Variants in RPS6KA5 observed in about 807,000 individuals in gnomAD.
RPS6KA5 encodes ribosomal protein S6 kinase alpha-5.
A neutral mutation model predicts 85.5 loss-of-function variants in RPS6KA5; 27 were observed. The observed-to-expected ratio is 0.32, with a 90% CI of 0.23 to 0.44. The LOEUF is 0.44. Among genes scored for constraint, RPS6KA5 ranks in the 20% least tolerant of loss-of-function variants. The pLI, the probability that RPS6KA5 is intolerant of heterozygous loss-of-function variation, is 1.00. For synonymous variants in RPS6KA5, 334 were observed against 348.2 expected (o/e 0.96, Z 0.46); for missense variants, 811 against 980.9 (o/e 0.83, Z 2.31).
chr14:90,955,786 C>T (rs765721471), intron 3 of RPS6KA5, among the ~76,000 whole-genome samples: 2 of 152,110 alleles, frequency 1.3e-5, no homozygotes, highest in Non-Finnish European at 2.9e-5. Context: ...TGTTTCCTTG[C>T]TGAATCTTTT....
chr14:90,915,714 G>A (rs1442675902), intron 7 of RPS6KA5, among the ~76,000 whole-genome samples: 1 of 151,912 alleles, frequency 6.6e-6, no homozygotes, highest in Non-Finnish European at 1.5e-5. Flanking sequence ...GATGAGGCAG[G>A]AAAATCACTT....
Position 91,056,359 on chromosome 14 carries a change from G to A in RPS6KA5, c.103+3973C>T, listed in dbSNP as rs150384851. On this transcript the variant is annotated intron_variant, in intron 1 of 16. Transcript: ENST00000614987. ...GGCTTTAGGTGAATGATCCAAAAGT[G>A]GATACCTCACCAAAGGCAGGCCAAA... 1.5e-3 allele frequency among the ~76,000 whole-genome samples: 235 copies of A among 152,254 alleles called. 2 individuals carry two copies. The highest frequency in any genetic ancestry group is 5.2e-3 in the African/African-American group (218 of 41,538).
At chr14:91,044,313 GAGAGAA>G (rs1220533757) in intron 1 of RPS6KA5, among the ~76,000 whole-genome samples, 3 of 127,380 alleles carry the variant, frequency 2.4e-5, no homozygotes, top group African/African-American at 8.4e-5. Context: ...GAAAGAGAGA[GAGAGAA>G]AGAGAGAGAG....
chr14:91,053,227 T>C (rs866924815), intron 1 of RPS6KA5, among the ~76,000 whole-genome samples: 4 of 152,152 alleles, frequency 2.6e-5, no homozygotes, highest in Non-Finnish European at 5.9e-5. Context: ...ATAAAATACA[T>C]CTATGAAAAA....
At chr14:91,030,025 A>G (rs920359669) in intron 1 of RPS6KA5, among the ~76,000 whole-genome samples, 4 of 152,222 alleles carry the variant, frequency 2.6e-5, no homozygotes, top group Non-Finnish European at 5.9e-5. Flanking sequence ...GCAGAATGGG[A>G]AAAGGTCAAG....
chr14:91,036,230 C>T (rs1394010834), intron 1 of RPS6KA5, among the ~76,000 whole-genome samples: 1 of 152,200 alleles, frequency 6.6e-6, no homozygotes, highest in Non-Finnish European at 1.5e-5. Flanking sequence ...TAAGAAGCTC[C>T]AGACCACTGA....
chr14:90,920,141 A>G, intron 7 of RPS6KA5, 65 bp downstream of exon 7: 2 of 1,024,590 alleles, frequency 2.0e-6, no homozygotes, highest in South Asian at 2.5e-5. Flanking sequence ...CATCAGCCTA[A>G]CCGCAGAAAT....
In RPS6KA5 at chr14:90,891,209, A is replaced by G. The variant is rs139081640; in HGVS notation, c.1645-531T>C. Among the ~76,000 whole-genome samples, 222 of 151,558 alleles carry G rather than the reference A, an allele frequency of 1.5e-3. 2 individuals carry two copies. Among genetic ancestry groups the G allele is most frequent in the Non-Finnish European group, 3.1e-4 (21 of 67,954 alleles). ...CTACCCCAGGGCCTGGCACAGACAT[A>G]GAGTAGGTGCTTTGGTAAACATGTG... On this transcript the variant is annotated intron_variant, in intron 13 of 16. Coordinates refer to ENST00000614987, the MANE Select transcript of RPS6KA5 (RefSeq NM_004755.4).
chr14:90,885,572 A>T (rs2034146389), intron 14 of RPS6KA5, among the ~76,000 whole-genome samples: 5 of 68,366 alleles, frequency 7.3e-5, no homozygotes, highest in African/African-American at 1.4e-4. Context: ...AAAAAAAAAA[A>T]AAAAAAAAAA....
rs78586752 is a variant in RPS6KA5, at chr14:90,949,830, C to A, written c.395-2280G>T. On this transcript the variant is annotated intron_variant, in intron 3 of 16. Transcript: ENST00000614987. ...TTATTTTCCATTTACTGGGAGATTG[C>A]GAAAAAGTAACTATAAATCTAAGGA... Among the ~76,000 whole-genome samples the A allele has an allele frequency of 1.3e-5, 2 of 152,080 alleles. 1 individual carries two copies. The highest frequency in any genetic ancestry group is 1.3e-4 in the Admixed American group (2 of 15,272).
chr14:90,993,033 T>C (rs1198883816), intron 2 of RPS6KA5, among the ~76,000 whole-genome samples: 1 of 152,238 alleles, frequency 6.6e-6, no homozygotes, highest in Non-Finnish European at 1.5e-5. Flanking sequence ...TGTTCAGTAA[T>C]TCTTTTTGCA....
rs2032310471 is a variant in RPS6KA5, at chr14:90,856,825, T to C, written c.*15249A>G. On this transcript the variant is annotated 3_prime_UTR_variant, in exon 17 of 17. Coordinates refer to ENST00000614987, the MANE Select transcript of RPS6KA5 (RefSeq NM_004755.4). ...CCTGTATACATTGTCACTCCCTATT[T>C]CCCCCTCCCACCAGCCCCTGAAAAA... The C allele has an allele frequency of 1.2e-5, 2 of 161,732 alleles. No homozygotes were observed. Among genetic ancestry groups the C allele is most frequent in the Non-Finnish European group, 2.7e-5 (2 of 75,260 alleles). The allele number at this position is 161,732 out of a possible 1,614,324, so 10.0% of individuals were successfully genotyped here. A position where few individuals can be genotyped will look rare whatever the true frequency, so the allele number is the denominator to read the frequency against.
intron 2 of RPS6KA5, among the ~76,000 whole-genome samples, chr14:90,992,271 T>G (rs1371155915): frequency 6.6e-6 from 1 of 152,224 alleles, no homozygotes; most frequent in African/African-American, 2.4e-5. Flanking sequence ...TTATCCCATC[T>G]TCTCATAAGA....
chr14:90,927,291 A>G (rs2036726387), intron 5 of RPS6KA5, among the ~76,000 whole-genome samples: 4 of 152,178 alleles, frequency 2.6e-5, no homozygotes, highest in Admixed American at 2.6e-4. Context: ...TCATTTAAAT[A>G]GAAGACAGGA....
At chr14:90,953,750 G>A (rs2038351028) in intron 3 of RPS6KA5, among the ~76,000 whole-genome samples, 1 of 152,088 alleles carries the variant, frequency 6.6e-6, no homozygotes, top group Admixed American at 6.5e-5. Context: ...AATACGCCCT[G>A]GTCTCCTGCA....
intron 7 of RPS6KA5, among the ~76,000 whole-genome samples, chr14:90,919,530 A>C (rs1181993550): frequency 6.6e-6 from 1 of 152,176 alleles, no homozygotes; most frequent in South Asian, 2.1e-4. Flanking sequence ...AATTAGTATA[A>C]TGTTGGTCAC....
chr14:90,881,762 A>G (rs1255452386), intron 14 of RPS6KA5, among the ~76,000 whole-genome samples: 1 of 152,088 alleles, frequency 6.6e-6, no homozygotes, highest in East Asian at 1.9e-4. Context: ...CGGCCTCCCA[A>G]AGTGCTGGGA....
Position 90,906,236 on chromosome 14 carries a change from A to C in RPS6KA5, c.870T>G (p.Ile290Met). The change falls in exon 8 of 17, where the codon ATT becomes ATG. Residue 290 changes from isoleucine to methionine, a missense_variant. Transcript: ENST00000614987. ...QEMSALAKDLIQRLLMKDPKK... is the reference protein window; with the variant it reads ...QEMSALAKDLMQRLLMKDPKK... ...TGGGATCTTTCATCAAAAGACGCTGAATTAGGTCTTTCGCTAAAGCACTCA... is the reference window on the plus strand; with the variant it reads ...TGGGATCTTTCATCAAAAGACGCTGCATTAGGTCTTTCGCTAAAGCACTCA... 6.2e-7 allele frequency: 1 copy of C among 1,612,882 alleles called. No homozygotes were observed. The highest frequency in any genetic ancestry group is 8.5e-7 in the Non-Finnish European group (1 of 1,179,024).
chr14:90,968,118 G>A (rs12431689), intron 3 of RPS6KA5, among the ~76,000 whole-genome samples: 24,223 of 152,046 alleles, frequency 0.16, 2,279 homozygotes, highest in East Asian at 0.32. Flanking sequence ...TTCTTCTGGG[G>A]CTCCAGGGAA....
Sources: allele counts gnomAD v4.1 joint callset (sites outside exome capture counted in the v4.1 genomes callset), GRCh38; gene constraint gnomAD v4.1.1; transcripts MANE v1.5; gene names NCBI Gene and HGNC (gene_info 2026-07-23, HGNC 2026-07-21).